The following ESRRG variants were observed in gnomAD, a reference collection of about 807,000 sequenced individuals.
ESRRG encodes the protein estrogen related receptor gamma, also known as estrogen-related receptor gamma.
ESRRG carries 13 observed loss-of-function variants against 44.0 expected under a neutral mutation model. The observed-to-expected ratio is 0.30, with a 90% CI of 0.19 to 0.47. ESRRG has a LOEUF of 0.47. Ranked by LOEUF, ESRRG falls within the 20% of genes least tolerant of loss-of-function variation. The pLI is 1.00. For synonymous variants in ESRRG, 215 were observed against 214.6 expected, an observed-to-expected ratio of 1.00 and a Z score of -0.02; for missense variants, 395 against 580.6, an observed-to-expected ratio of 0.68 and a Z score of 3.29.
At chr1:217,042,393 C>T (rs559245301) in intron 1 of ESRRG, among the ~76,000 whole-genome samples, 2 of 151,896 alleles carry the variant, frequency 1.3e-5, no homozygotes, top group Admixed American at 6.6e-5. Context: ...GACTCAGGCA[C>T]AGAGTGTTGG....
intron 2 of ESRRG, among the ~76,000 whole-genome samples, chr1:216,742,273 G>A (rs2090846375): frequency 2.0e-5 from 3 of 152,118 alleles, no homozygotes; most frequent in African/African-American, 7.2e-5. Context: ...TATAAAGTAG[G>A]TTAGAGCCTT....
chr1:217,137,681 C>G (rs41283142), exon 1 of ESRRG: 4,588 of 152,778 alleles, frequency 0.03, 99 homozygotes, highest in African/African-American at 0.037. Context: ...CCGGCCTTCC[C>G]GCTCCAATTG....
intron 3 of ESRRG, among the ~76,000 whole-genome samples, chr1:216,607,509 C>T (rs757657299): frequency 2.6e-5 from 4 of 152,190 alleles, no homozygotes; most frequent in Non-Finnish European, 4.4e-5. Context: ...AGAGATGTTA[C>T]AGCATCAACT....
intron 2 of ESRRG, among the ~76,000 whole-genome samples, chr1:216,868,378 C>T (rs2096207146): frequency 6.6e-6 from 1 of 152,082 alleles, no homozygotes; most frequent in African/African-American, 2.4e-5. Context: ...TCCTGTGTGC[C>T]ACCACGCCAG....
chr1:216,747,824 C>CA, intron 2 of ESRRG, among the ~76,000 whole-genome samples: 1 of 152,144 alleles, frequency 6.6e-6, no homozygotes, highest in Non-Finnish European at 1.5e-5. Context: ...TGGCATAATT[C>CA]AAAAAACAAC....
At chr1:216,521,041 C>G (rs551076600) in intron 5 of ESRRG, among the ~76,000 whole-genome samples, 1 of 152,098 alleles carries the variant, frequency 6.6e-6, no homozygotes, top group Non-Finnish European at 1.5e-5. Context: ...ATGAGTCAAG[C>G]TTTTCTTAAG....
chr1:217,026,008 A>T (rs992728399), intron 1 of ESRRG, among the ~76,000 whole-genome samples: 2 of 152,174 alleles, frequency 1.3e-5, no homozygotes, highest in Non-Finnish European at 2.9e-5. Flanking sequence ...GATAAGAACT[A>T]AGCCCATGAC....
At chr1:216,576,337 C>CT (rs35207125) in intron 3 of ESRRG, among the ~76,000 whole-genome samples, 92,758 of 145,612 alleles carry the variant, frequency 0.64, 30,273 homozygotes, top group African/African-American at 0.81. Context: ...ATTAGGAGGG[C>CT]TTTTTTTTTT....
intron 2 of ESRRG, among the ~76,000 whole-genome samples, chr1:216,764,710 G>GA (rs1245678922): frequency 1.3e-5 from 2 of 151,930 alleles, no homozygotes; most frequent in Admixed American, 6.6e-5. Flanking sequence ...CTACTAGAAA[G>GA]AAAAAAAATT....
chr1:216,818,757 C>G (rs1352568099), intron 2 of ESRRG, among the ~76,000 whole-genome samples: 1 of 152,108 alleles, frequency 6.6e-6, no homozygotes, highest in African/African-American at 2.4e-5. Flanking sequence ...TCCAGATGCT[C>G]TCACTTCCTC....
At position 216,828,456 on chromosome 1, in the gene ESRRG, C is replaced by T. The variant is rs144887739; in HGVS notation, c.-14+111126G>A. 1.7e-3 allele frequency among the ~76,000 whole-genome samples: 254 copies of T among 152,138 alleles called. 3 individuals carry two copies. The highest frequency in any genetic ancestry group is 5.4e-3 in the African/African-American group (224 of 41,492). ...TTACCACATCTGCCTGGTGGAGATG[C>T]CAACAGCTCCTGTATCAGAGGGCTC... On this transcript the variant is annotated intron_variant, in intron 2 of 7. Coordinates refer to the ESRRG transcript ENST00000359162.
intron 1 of ESRRG, among the ~76,000 whole-genome samples, chr1:217,018,322 A>C (rs1047149026): frequency 2.0e-5 from 3 of 152,150 alleles, no homozygotes; most frequent in Non-Finnish European, 4.4e-5. Flanking sequence ...CCCAAATATG[A>C]TGACAGTCTC....
upstream of ESRRG, among the ~76,000 whole-genome samples, chr1:217,089,807 A>G (rs1160693854): frequency 6.6e-6 from 1 of 152,024 alleles, no homozygotes; most frequent in African/African-American, 2.4e-5. Context: ...TGCGAGGGGC[A>G]GAGGGGCGCC....
chr1:216,621,484 G>T (rs28515906), intron 3 of ESRRG, among the ~76,000 whole-genome samples: 4,594 of 152,206 alleles, frequency 0.03, 233 homozygotes, highest in African/African-American at 0.1. Context: ...CACATGTGTT[G>T]GGTATGTGAT....
chr1:216,528,899 C>G (rs2048458710), intron 5 of ESRRG, among the ~76,000 whole-genome samples: 1 of 152,112 alleles, frequency 6.6e-6, no homozygotes, highest in Non-Finnish European at 1.5e-5. Context: ...GTCAGAAGTA[C>G]TTGCAACACT....
At chr1:217,115,046 G>C (rs548977797) in intron 1 of ESRRG, among the ~76,000 whole-genome samples, 3 of 152,212 alleles carry the variant, frequency 2.0e-5, no homozygotes, top group African/African-American at 7.2e-5. Flanking sequence ...GCTGCTGAGG[G>C]AAAGAGGTTT....
chr1:217,136,196 A>G (rs1196376106), intron 1 of ESRRG, among the ~76,000 whole-genome samples: 1 of 152,114 alleles, frequency 6.6e-6, no homozygotes, highest in African/African-American at 2.4e-5. Context: ...GCGGAGGGCG[A>G]TCCGGAGCCG....
At chr1:216,578,504 A>G (rs1367225903) in intron 3 of ESRRG, among the ~76,000 whole-genome samples, 4 of 152,114 alleles carry the variant, frequency 2.6e-5, no homozygotes, top group Non-Finnish European at 4.4e-5. Context: ...CTAATGACTC[A>G]ATTGTAAGTC....
At chr1:216,667,016 C>T (rs1021980914) in intron 2 of ESRRG, among the ~76,000 whole-genome samples, 1 of 152,086 alleles carries the variant, frequency 6.6e-6, no homozygotes, top group African/African-American at 2.4e-5. Context: ...GGAACAGGTA[C>T]GTTTGAGTAA....
Sources: gnomAD v4.1 joint callset for allele counts (sites outside exome capture counted in the v4.1 genomes callset) on GRCh38, gnomAD v4.1.1 for gene constraint, MANE v1.5 for transcripts, NCBI Gene and HGNC (gene_info 2026-07-23, HGNC 2026-07-21) for gene names.